GRID2: variants seen among roughly 807,000 people sequenced by gnomAD.
GRID2 encodes the protein glutamate ionotropic receptor delta type subunit 2.
In GRID2, 33 loss-of-function variants were observed where a neutral mutation model predicts 114.8. That is an observed-to-expected ratio of 0.29 (90% CI 0.22 to 0.38). The LOEUF is 0.38. Among genes scored for constraint, GRID2 ranks in the 10% least tolerant of loss-of-function variants. The pLI is 1.00. For synonymous variants in GRID2, 505 were observed against 449.9 expected, an observed-to-expected ratio of 1.12 and a Z score of -1.55; for missense variants, 1,184 against 1,257.7, an observed-to-expected ratio of 0.94 and a Z score of 0.89.
At chr4:92,339,483 T>C (rs1387233158) in intron 1 of GRID2, among the ~76,000 whole-genome samples, 2 of 152,150 alleles carry the variant, frequency 1.3e-5, no homozygotes, top group Non-Finnish European at 2.9e-5. Flanking sequence ...TTATCGACTA[T>C]ATATATTTAC....
rs573427484 is a variant in GRID2 at position 93,593,994 on chromosome 4, G to C, written c.2194-32275G>C. 1.9e-4 allele frequency among the ~76,000 whole-genome samples: 29 copies of C among 151,864 alleles called. No homozygotes were observed. The East Asian group carries it at 2.5e-3, about 13-fold the overall frequency. ...AAAGTTTTCAACTTCTTTGCCTTTG[G>C]TTTGAATGTCCTCCCGTAGCTCAGA... On this transcript the variant is annotated intron_variant, in intron 13 of 15. Transcript: ENST00000282020.
At position 93,713,519 on chromosome 4, in the gene GRID2, A is replaced by T. The variant is rs1402503920; in HGVS notation, c.2361-55691A>T. Among the ~76,000 whole-genome samples the T allele has an allele frequency of 2.0e-5, 3 of 152,086 alleles. No individual in the cohort carries two copies. In the East Asian group the frequency reaches 5.8e-4, roughly 29 times the overall value. ...ATTGATTATTCTAAGTGGAGAAGATACAATGGTGAAAAAGACATGCAAAAT... is the reference window on the plus strand; with the variant it reads ...ATTGATTATTCTAAGTGGAGAAGATTCAATGGTGAAAAAGACATGCAAAAT... On this transcript the variant is annotated intron_variant, in intron 14 of 15. Coordinates refer to ENST00000282020, the MANE Select transcript of GRID2 (RefSeq NM_001510.4).
chr4:92,827,995 T>C (rs1741845797), intron 2 of GRID2, among the ~76,000 whole-genome samples: 1 of 152,044 alleles, frequency 6.6e-6, no homozygotes, highest in Admixed American at 6.6e-5. Context: ...ATCAGATTAA[T>C]AGATATGTAA....
chr4:93,288,016 T>C, intron 8 of GRID2, among the ~76,000 whole-genome samples: 1 of 152,236 alleles, frequency 6.6e-6, no homozygotes, highest in East Asian at 1.9e-4. Context: ...AATAGAGACA[T>C]CTAACCCTGA....
chr4:92,706,544 C>A (rs1734966319), intron 2 of GRID2, among the ~76,000 whole-genome samples: 1 of 152,044 alleles, frequency 6.6e-6, no homozygotes, highest in South Asian at 2.1e-4. Context: ...GGGAATGATG[C>A]TGTCCTCTAG....
intron 8 of GRID2, among the ~76,000 whole-genome samples, chr4:93,377,550 A>G (rs1395887286): frequency 1.3e-5 from 2 of 152,170 alleles, no homozygotes; most frequent in Non-Finnish European, 2.9e-5. Flanking sequence ...GTCACCTGTG[A>G]TAACCTGTCC....
chr4:93,332,268 G>A (rs548421320), intron 8 of GRID2, among the ~76,000 whole-genome samples: 12 of 124,618 alleles, frequency 9.6e-5, no homozygotes, highest in African/African-American at 3.5e-4. Context: ...GTGTGTGTGC[G>A]TGTGTGTGTG....
chr4:93,237,294 A>G (rs1041878791), intron 7 of GRID2, among the ~76,000 whole-genome samples: 1 of 151,980 alleles, frequency 6.6e-6, no homozygotes, highest in Non-Finnish European at 1.5e-5. Flanking sequence ...TTAAATATTA[A>G]AATTAGTGAT....
At chr4:92,803,200 C>T (rs573204952) in intron 2 of GRID2, among the ~76,000 whole-genome samples, 29 of 151,872 alleles carry the variant, frequency 1.9e-4, no homozygotes, top group African/African-American at 6.3e-4. Flanking sequence ...GAATTGGTAG[C>T]CATTAACCAA....
chr4:92,767,158 A>G (rs1452865459), intron 2 of GRID2, among the ~76,000 whole-genome samples: 1 of 152,198 alleles, frequency 6.6e-6, no homozygotes, highest in Non-Finnish European at 1.5e-5. Context: ...GTGGGCTTGA[A>G]TGTAGACATA....
At chr4:92,690,804 GC>G (rs899205891) in intron 2 of GRID2, among the ~76,000 whole-genome samples, 124 of 151,336 alleles carry the variant, frequency 8.2e-4, no homozygotes, top group African/African-American at 2.8e-3. Flanking sequence ...TTCTTAACTG[GC>G]TTTATTCAAT....
intron 10 of GRID2, among the ~76,000 whole-genome samples, chr4:93,450,570 A>G (rs1017110642): frequency 6.6e-6 from 1 of 151,736 alleles, no homozygotes; most frequent in East Asian, 1.9e-4. Context: ...ATGTATTTCA[A>G]TTTGTCTAAG....
intron 2 of GRID2, among the ~76,000 whole-genome samples, chr4:92,857,299 G>C (rs1744241912): frequency 6.6e-6 from 1 of 152,180 alleles, no homozygotes; most frequent in African/African-American, 2.4e-5. Context: ...TGAGGAAAGA[G>C]TGTTGAAAGC....
chr4:93,250,614 C>CA (rs1379508379), intron 8 of GRID2, among the ~76,000 whole-genome samples: 1 of 147,054 alleles, frequency 6.8e-6, no homozygotes, highest in East Asian at 2.0e-4. Flanking sequence ...TTCCAGAGAG[C>CA]AAAACTTTTC....
At chr4:93,397,393 TA>T (rs1271215978) in intron 9 of GRID2, among the ~76,000 whole-genome samples, 1 of 143,210 alleles carries the variant, frequency 7.0e-6, no homozygotes, top group East Asian at 1.9e-4. Context: ...AAATTATTAA[TA>T]GTCTTTCCTC....
Position 92,449,427 on chromosome 4 carries a change from A to G in GRID2, c.89-140704A>G, listed in dbSNP as rs186161529. ...TCATGGTCAGATCCATGTGAAATACAAATTATTGTATTAGTGGAGATGAGT... is the reference window on the plus strand; with the variant it reads ...TCATGGTCAGATCCATGTGAAATACGAATTATTGTATTAGTGGAGATGAGT... On this transcript the variant is annotated intron_variant, in intron 1 of 15. Coordinates refer to ENST00000282020, the MANE Select transcript of GRID2 (RefSeq NM_001510.4). 2.7e-4 allele frequency among the ~76,000 whole-genome samples: 41 copies of G among 151,898 alleles called. No homozygotes were observed. The East Asian group carries it at 7.7e-3, about 29-fold the overall frequency.
chr4:93,747,907 A>G (rs916607077), intron 14 of GRID2, among the ~76,000 whole-genome samples: 1 of 152,114 alleles, frequency 6.6e-6, no homozygotes, highest in Non-Finnish European at 1.5e-5. Flanking sequence ...TCGTTCTCAC[A>G]TCGTCACCAT....
intron 2 of GRID2, among the ~76,000 whole-genome samples, chr4:93,021,335 CTT>C (rs1253082581): frequency 6.6e-6 from 1 of 150,380 alleles, no homozygotes; most frequent in Non-Finnish European, 1.5e-5. Flanking sequence ...AAATTAATAA[CTT>C]AGAAGAAAAT....
Position 93,082,636 on chromosome 4 carries a change from A to T in GRID2, c.245-2359A>T, listed in dbSNP as rs188207513. Among the ~76,000 whole-genome samples the T allele has an allele frequency of 2.0e-3, 307 of 152,298 alleles. 2 individuals are homozygous for T. The highest frequency in any genetic ancestry group is 7.3e-3 in the African/African-American group (302 of 41,564). On this transcript the variant is annotated intron_variant, in intron 2 of 15. Transcript: ENST00000282020. ...CAATTTCCCATCCTTGGACTGCACGATCTCTAAATTATCTTTTAGGCCTGA... is the reference window on the plus strand; with the variant it reads ...CAATTTCCCATCCTTGGACTGCACGTTCTCTAAATTATCTTTTAGGCCTGA...
Sources: gnomAD v4.1 joint callset for allele counts (sites outside exome capture counted in the v4.1 genomes callset) on GRCh38, gnomAD v4.1.1 for gene constraint, MANE v1.5 for transcripts, NCBI Gene and HGNC (gene_info 2026-07-23, HGNC 2026-07-21) for gene names.